The following FHAD1 variants were observed in gnomAD, a reference collection of about 807,000 sequenced individuals.
FHAD1 encodes the protein forkhead-associated domain-containing protein 1.
FHAD1 carries 146 observed loss-of-function variants against 191.3 expected under a neutral mutation model. That is an observed-to-expected ratio of 0.76 (90% CI 0.67 to 0.88). The LOEUF is 0.88. Ranked by LOEUF, FHAD1 falls within the 40% of genes least tolerant of loss-of-function variation. The pLI is 0.00. For missense variants in FHAD1, 1,635 were observed against 1,785.8 expected, an observed-to-expected ratio of 0.92 and a Z score of 1.52; for synonymous variants, 616 against 672.3, an observed-to-expected ratio of 0.92 and a Z score of 1.29.
chr1:15,323,362 T>C (rs1194457217), intron 10 of FHAD1, among the ~76,000 whole-genome samples: 1 of 152,180 alleles, frequency 6.6e-6, no homozygotes, highest in African/African-American at 2.4e-5. Context: ...TCGCAGCATT[T>C]GAAAAACGTC....
In FHAD1 at chr1:15,363,611, T is replaced by C. The variant is rs36044265; in HGVS notation, c.3047+885T>C. On this transcript the variant is annotated intron_variant, in intron 23 of 33. Coordinates refer to ENST00000688493, the MANE Select transcript of FHAD1 (RefSeq NM_001391957.1). ...GAGGCAAGCCCACTCACAGGTGTTA[T>C]TAAGCAGACAGAGATTTCAAACAGT... 1.4e-3 allele frequency: 491 copies of C among 363,576 alleles called. 6 individuals are homozygous for C. The highest frequency in any genetic ancestry group is 9.0e-3 in the Middle Eastern group (11 of 1,220). 22.5% of individuals were successfully genotyped at this position (363,576 alleles called of 1,614,324 possible). A position where few individuals can be genotyped will look rare whatever the true frequency, so the allele number is the denominator to read the frequency against.
chr1:15,317,030 C>G (rs1248629521), intron 9 of FHAD1, among the ~76,000 whole-genome samples: 1 of 151,970 alleles, frequency 6.6e-6, no homozygotes, highest in African/African-American at 2.4e-5. Flanking sequence ...TACTGAAATA[C>G]AAAAAAATTA....
chr1:15,258,582 CTCTT>C (rs1314729216), intron 2 of FHAD1, among the ~76,000 whole-genome samples: 2 of 139,310 alleles, frequency 1.4e-5, no homozygotes, highest in Non-Finnish European at 3.2e-5. Flanking sequence ...ATCTCTGTCT[CTCTT>C]TTTTTTTTTT....
At position 15,251,852 on chromosome 1, in the gene FHAD1, A is replaced by G. The variant is rs938070787; in HGVS notation, c.68A>G (p.His23Arg). 5.2e-6 allele frequency: 8 copies of G among 1,552,290 alleles called. No homozygotes were observed. Among genetic ancestry groups the G allele is most frequent in the Admixed American group, 2.0e-5 (1 of 50,988 alleles). ...VLNKSTTIGR[H>R]ENSDLVLQSP... ...AATAAAAGTACCACAATTGGAAGGC[A>G]TGAAAATTCAGACCTTGTTTTACAG... The change falls in exon 2 of 34, where the codon CAT (histidine) becomes CGT (arginine). Residue 23 changes from histidine (H) to arginine (R), a missense_variant. Coordinates refer to ENST00000688493, the MANE Select transcript of FHAD1 (RefSeq NM_001391957.1).
chr1:15,273,803 T>C, intron 3 of FHAD1, among the ~76,000 whole-genome samples: 1 of 152,212 alleles, frequency 6.6e-6, no homozygotes, highest in East Asian at 1.9e-4. Context: ...ATTCACATTG[T>C]GGCGCTGCTG....
chr1:15,402,245 T>G (rs1707145277), downstream of FHAD1, among the ~76,000 whole-genome samples: 1 of 152,236 alleles, frequency 6.6e-6, no homozygotes. Flanking sequence ...TTTACTCCTT[T>G]TCAAATTCTG....
chr1:15,393,627 G>C (rs1056787386), intron 33 of FHAD1, among the ~76,000 whole-genome samples: 1 of 150,282 alleles, frequency 6.7e-6, no homozygotes, highest in African/African-American at 2.5e-5. Flanking sequence ...TTTGGAGACC[G>C]TGTCTTGCTC....
chr1:15,268,694 G>A (rs1416039738), intron 2 of FHAD1, among the ~76,000 whole-genome samples: 1 of 150,538 alleles, frequency 6.6e-6, no homozygotes, highest in Non-Finnish European at 1.5e-5. Flanking sequence ...CATTCTAACT[G>A]GTGTGAGATG....
At chr1:15,314,633 A>AGG (rs1673458281) in intron 8 of FHAD1, 1 of 1,772 alleles carries the variant, frequency 5.6e-4, no homozygotes, top group Non-Finnish European at 1.2e-3. Context: ...GTGAGGATGT[A>AGG]TGTGGGTGTG....
chr1:15,395,187 A>G (rs1705513473), intron 33 of FHAD1, among the ~76,000 whole-genome samples: 1 of 151,572 alleles, frequency 6.6e-6, no homozygotes, highest in African/African-American at 2.4e-5. Flanking sequence ...GCTGGCGGGC[A>G]CCTGTTGTCC....
At chr1:15,254,139 G>A (rs1488007810) in intron 2 of FHAD1, among the ~76,000 whole-genome samples, 1 of 152,142 alleles carries the variant, frequency 6.6e-6, no homozygotes, top group Non-Finnish European at 1.5e-5. Context: ...AAGAATCGTA[G>A]TTTCTTCTGT....
chr1:15,317,017 C>T (rs1674662102), intron 9 of FHAD1, among the ~76,000 whole-genome samples: 1 of 152,138 alleles, frequency 6.6e-6, no homozygotes, highest in South Asian at 2.1e-4. Context: ...GAAACCCCGT[C>T]TCTACTGAAA....
At chr1:15,245,334 T>C (rs1386449998), upstream of FHAD1, among the ~76,000 whole-genome samples, 3 of 152,194 alleles carry the variant, frequency 2.0e-5, no homozygotes, top group Non-Finnish European at 4.4e-5. Flanking sequence ...TTTATTTGCT[T>C]TTGTTGTTCT....
chr1:15,257,414 G>A (rs1648742180), intron 2 of FHAD1, among the ~76,000 whole-genome samples: 2 of 152,358 alleles, frequency 1.3e-5, no homozygotes, highest in South Asian at 4.1e-4. Context: ...AGGTGGACAT[G>A]AACCTGGATA....
chr1:15,317,868 G>A lies in FHAD1; in HGVS notation c.1305G>A (p.Glu435=), dbSNP rs1469534338. The A allele has an allele frequency of 2.7e-5, 42 of 1,551,666 alleles. No individual in the cohort carries two copies. Among genetic ancestry groups the A allele is most frequent in the Non-Finnish European group, 3.6e-5 (41 of 1,147,024 alleles). ...MEKEMKKLRA[E]LRKSCTEQSV... is the part of the protein sequence containing the mutation. The stretch of plus-strand genomic sequence containing the variant: ...AAGAAATGAAGAAGCTTAGGGCAGA[G>A]CTGAGGAAGAGTTGTACTGAACAAA... Residue 435 remains glutamate, a synonymous_variant, in exon 10 of 34, where the codon GAG becomes GAA. Coordinates refer to ENST00000688493, the MANE Select transcript of FHAD1 (RefSeq NM_001391957.1).
rs139164031 is a variant in FHAD1 at position 15,376,353 on chromosome 1, G to A, written c.3705+623G>A. Among the ~76,000 whole-genome samples the A allele has an allele frequency of 6.6e-3, 1,001 of 152,320 alleles. 14 individuals are homozygous for A. Among genetic ancestry groups the A allele is most frequent in the African/African-American group, 0.023 (950 of 41,562 alleles). ...GATCCGCCCGCCTCGGCCTCCCAAAGTGCTGGGATGACAGGCGTGAGCCAC... is the reference window on the plus strand; with the variant it reads ...GATCCGCCCGCCTCGGCCTCCCAAAATGCTGGGATGACAGGCGTGAGCCAC... On this transcript the variant is annotated intron_variant, in intron 28 of 33. Coordinates refer to ENST00000688493, the MANE Select transcript of FHAD1 (RefSeq NM_001391957.1).
chr1:15,312,976 C>T lies in FHAD1; in HGVS notation c.1040-81C>T, dbSNP rs1003594575. The T allele has an allele frequency of 5.3e-6, 8 of 1,512,256 alleles. No homozygotes were observed. Among genetic ancestry groups the T allele is most frequent in the African/African-American group, 2.8e-5 (2 of 72,248 alleles). 93.7% of individuals were successfully genotyped at this position (1,512,256 alleles called of 1,614,324 possible). A position where few individuals can be genotyped will look rare whatever the true frequency, so the allele number is the denominator to read the frequency against. On this transcript the variant is annotated intron_variant, in intron 7 of 33. Coordinates refer to ENST00000688493, the MANE Select transcript of FHAD1 (RefSeq NM_001391957.1). This position sits in a 1 kb window ranked among gnomAD's most constrained non-coding sequence, Gnocchi z 4.7. ...ACACCTCCCTTCTCAGTGCCAGGCT[C>T]GTCACAAACTGGTTGACAGCGGCAG... is the stretch of plus-strand genomic sequence containing the variant.
At chr1:15,296,935 C>A in intron 5 of FHAD1, 142 bp downstream of exon 5, 1 of 637,496 alleles carries the variant, frequency 1.6e-6, no homozygotes, top group Non-Finnish European at 2.7e-6. Flanking sequence ...GACATTCAAC[C>A]AAATGTTTTA....
chr1:15,251,413 G>T (rs140717618), intron 1 of FHAD1, among the ~76,000 whole-genome samples: 99 of 152,302 alleles, frequency 6.5e-4, no homozygotes, highest in African/African-American at 2.3e-3. Flanking sequence ...TGGTAAGTCA[G>T]ATCACTAAGC....
Sources: gnomAD v4.1 joint callset for allele counts (sites outside exome capture counted in the v4.1 genomes callset) on GRCh38, gnomAD v4.1.1 for gene constraint, Gnocchi (gnomAD v3.1) non-coding constraint, MANE v1.5 for transcripts, NCBI Gene and HGNC (gene_info 2026-07-23, HGNC 2026-07-21) for gene names.